Variants in HIPK2 observed in about 807,000 individuals in gnomAD.
The protein encoded by HIPK2 is homeodomain-interacting protein kinase 2.
HIPK2 carries 27 observed loss-of-function variants against 113.7 expected under a neutral mutation model. That is an observed-to-expected ratio of 0.24 (90% CI 0.17 to 0.33). HIPK2 has a LOEUF of 0.33. Ranked by LOEUF, HIPK2 falls within the 10% of genes least tolerant of loss-of-function variation. HIPK2 has a pLI of 1.00. For missense variants in HIPK2, 1,257 were observed against 1,588.0 expected, an observed-to-expected ratio of 0.79 and a Z score of 3.54; for synonymous variants, 631 against 642.2, an observed-to-expected ratio of 0.98 and a Z score of 0.26.
chr7:139,604,168 A>G lies in HIPK2; in HGVS notation c.2168T>C (p.Leu723Pro). Residue 723 changes from leucine (L) to proline (P), a missense_variant, in exon 10 of 15, where the codon CTG becomes CCG. Leu to Pro is a moderately conservative substitution (Grantham distance 98). This residue lies in a region of HIPK2 where 862 missense variants were observed against 1,004.3 expected (regional missense o/e 0.86). Coordinates refer to ENST00000406875, the MANE Select transcript of HIPK2 (RefSeq NM_022740.5). ...TGATGTGTGGGTGGCCACTCCAGTCAGTTGCTGCCATGCTGGGGGAAGCAG... is the reference window on the plus strand; with the variant it reads ...TGATGTGTGGGTGGCCACTCCAGTCGGTTGCTGCCATGCTGGGGGAAGCAG... ...QILLPPAWQQ[L>P]TGVATHTSVQ... 6.2e-7 allele frequency: 1 copy of G among 1,613,984 alleles called. No individual in the cohort carries two copies. Among genetic ancestry groups the G allele is most frequent in the Non-Finnish European group, 8.5e-7 (1 of 1,179,864 alleles).
intron 1 of HIPK2, among the ~76,000 whole-genome samples, chr7:139,718,030 C>T (rs1795300420): frequency 6.6e-6 from 1 of 152,214 alleles, no homozygotes; most frequent in East Asian, 1.9e-4. Context: ...AGACGTGAGC[C>T]ACCGTGTCTG....
intron 2 of HIPK2, among the ~76,000 whole-genome samples, chr7:139,652,777 T>C (rs554160241): frequency 1.0e-3 from 156 of 151,736 alleles, no homozygotes; most frequent in African/African-American, 3.2e-3. Context: ...GACTTCAGAG[T>C]TGAGAGAAGG....
intron 2 of HIPK2, among the ~76,000 whole-genome samples, chr7:139,686,950 T>C (rs575251613): frequency 6.6e-6 from 1 of 152,236 alleles, no homozygotes; most frequent in South Asian, 2.1e-4. Flanking sequence ...TTTGACAAAA[T>C]TGCCACAGCC....
At chr7:139,612,709 C>T (rs970176753) in intron 9 of HIPK2, among the ~76,000 whole-genome samples, 1 of 152,198 alleles carries the variant, frequency 6.6e-6, no homozygotes, top group Non-Finnish European at 1.5e-5. Flanking sequence ...TCTGCCATCT[C>T]ATTCTACCAT....
At chr7:139,622,247 G>A (rs1411017675) in intron 6 of HIPK2, among the ~76,000 whole-genome samples, 3 of 152,112 alleles carry the variant, frequency 2.0e-5, no homozygotes, top group African/African-American at 7.2e-5. Context: ...TCATGCACAC[G>A]ACATAACCAT....
chr7:139,693,674 C>T (rs1414059204), intron 2 of HIPK2, among the ~76,000 whole-genome samples: 1 of 150,966 alleles, frequency 6.6e-6, no homozygotes, highest in African/African-American at 2.4e-5. Context: ...TACTCTATAT[C>T]AGAAGGTATG....
rs773476813 is a variant in HIPK2, at chr7:139,614,275, C to T, written c.1990+11G>A. Reference sequence around the variant, plus strand: ...AGAAGCAGGTGAGAGGCTGTGGCTGCTCAATCTTACCTTGGAAGCCGGGGG... The same window carrying T: ...AGAAGCAGGTGAGAGGCTGTGGCTGTTCAATCTTACCTTGGAAGCCGGGGG... On this transcript the variant is annotated intron_variant, in intron 8 of 14. Coordinates refer to ENST00000406875, the MANE Select transcript of HIPK2 (RefSeq NM_022740.5). The T allele has an allele frequency of 5.5e-6, 8 of 1,459,740 alleles. No individual in the cohort carries two copies. In the African/African-American group the frequency reaches 1.1e-4, roughly 21 times the overall value. The allele number at this position is 1,459,740 out of a possible 1,614,324, so 90.4% of individuals were successfully genotyped here.
At chr7:139,648,561 CAAT>C (rs1801328256) in intron 2 of HIPK2, among the ~76,000 whole-genome samples, 1 of 152,220 alleles carries the variant, frequency 6.6e-6, no homozygotes, top group Admixed American at 6.5e-5. Flanking sequence ...GGGATAGCAT[CAAT>C]AGCTTACATG....
chr7:139,670,198 C>T (rs929071596), intron 2 of HIPK2, among the ~76,000 whole-genome samples: 6 of 152,150 alleles, frequency 3.9e-5, no homozygotes, highest in East Asian at 1.9e-4. Flanking sequence ...TTTGTTTTTC[C>T]GGGCGGGTTG....
At chr7:139,678,063 G>A (rs1802566545) in intron 2 of HIPK2, among the ~76,000 whole-genome samples, 1 of 151,866 alleles carries the variant, frequency 6.6e-6, no homozygotes, top group South Asian at 2.1e-4. Context: ...TTTTTGATGG[G>A]GTTGTTTGTT....
intron 2 of HIPK2, among the ~76,000 whole-genome samples, chr7:139,646,338 A>G (rs533632512): frequency 2.0e-5 from 3 of 151,956 alleles, no homozygotes; most frequent in African/African-American, 4.8e-5. Flanking sequence ...CCTACAAAAA[A>G]TTTTTTAAAA....
chr7:139,600,446 C>T lies in HIPK2; in HGVS notation c.2406G>A (p.Arg802=), dbSNP rs369837245. 1.1e-4 allele frequency: 171 copies of T among 1,613,734 alleles called. No homozygotes were observed. In the Admixed American group the frequency reaches 1.5e-3, roughly 15 times the overall value. ...RQQPTSTTSS[R]KSKQHQSSVR... The stretch of plus-strand genomic sequence containing the variant: ...CAGATGACTGGTGCTGCTTACTCTT[C>T]CGGGAGGAGGTGGTGCTGGTTGGCT... The change falls in exon 11 of 15, where the codon CGG becomes CGA. Residue 802 remains arginine (R), a synonymous_variant. Coordinates refer to ENST00000406875, the MANE Select transcript of HIPK2 (RefSeq NM_022740.5).
chr7:139,584,809 G>T (rs887250891), intron 12 of HIPK2, among the ~76,000 whole-genome samples: 2 of 152,302 alleles, frequency 1.3e-5, no homozygotes, highest in Admixed American at 1.3e-4. Flanking sequence ...GTATTGCACC[G>T]GGGCCTGGTG....
intron 2 of HIPK2, among the ~76,000 whole-genome samples, chr7:139,634,674 G>GTTTTTTTTTTTTTTTTTTTTT (rs1181829827): frequency 4.4e-5 from 5 of 113,626 alleles, no homozygotes; most frequent in African/African-American, 8.0e-5. Flanking sequence ...TCTGTTTCAG[G>GTTTTTTTTTTTTTTTTTTTTT]TTTTTTTTTT....
chr7:139,599,011 G>A (rs1437068858), intron 11 of HIPK2, among the ~76,000 whole-genome samples: 1 of 152,146 alleles, frequency 6.6e-6, no homozygotes, highest in Non-Finnish European at 1.5e-5. Flanking sequence ...TCAGCCCTTG[G>A]ATGAATTTTT....
At chr7:139,615,350 G>C (rs990077460) in intron 7 of HIPK2, among the ~76,000 whole-genome samples, 2 of 152,260 alleles carry the variant, frequency 1.3e-5, no homozygotes, top group Admixed American at 6.5e-5. Flanking sequence ...TTGGTATGCA[G>C]TGACAAAGCC....
chr7:139,768,737 G>A (rs1273382691), intron 1 of HIPK2, among the ~76,000 whole-genome samples: 1 of 152,144 alleles, frequency 6.6e-6, no homozygotes, highest in Non-Finnish European at 1.5e-5. Context: ...TGCCTCTGGG[G>A]AAAAAGGAAG....
intron 10 of HIPK2, among the ~76,000 whole-genome samples, chr7:139,602,527 G>A (rs1366837272): frequency 2.0e-5 from 3 of 151,934 alleles, no homozygotes; most frequent in Non-Finnish European, 2.9e-5. Context: ...AAGTGTATGT[G>A]TATTTCTGAA....
Position 139,649,680 on chromosome 7 carries a change from C to A in HIPK2, c.1104-17955G>T, listed in dbSNP as rs181324089. 3.1e-3 allele frequency among the ~76,000 whole-genome samples: 479 copies of A among 152,204 alleles called. 4 individuals are homozygous for A. Among genetic ancestry groups the A allele is most frequent in the South Asian group, 0.015 (73 of 4,818 alleles). On this transcript the variant is annotated intron_variant, in intron 2 of 14. Coordinates refer to ENST00000406875, the MANE Select transcript of HIPK2 (RefSeq NM_022740.5). ...TGTCTGTGCCTCTGATTAACTGGTG[C>A]CCCTCTCCTACCAATTCAGAGGGTC...
Sources: allele counts gnomAD v4.1 joint callset (sites outside exome capture counted in the v4.1 genomes callset), GRCh38; gene constraint gnomAD v4.1.1; regional missense constraint gnomAD v4.1.1; transcripts MANE v1.5; gene names NCBI Gene and HGNC (gene_info 2026-07-23, HGNC 2026-07-21).